The following SHF variants were observed in gnomAD, a reference collection of about 807,000 sequenced individuals.
The protein encoded by SHF is Src homology 2 domain containing F, also known as SH2 domain-containing adapter protein F.
SHF carries 30 observed loss-of-function variants against 42.4 expected under a neutral mutation model. That is an observed-to-expected ratio of 0.71 (90% CI 0.53 to 0.96). The LOEUF (loss-of-function observed/expected upper bound fraction) is 0.96, where lower values mean the gene tolerates loss of function less well. Ranked by LOEUF, SHF falls within the 40% of genes least tolerant of loss-of-function variation. SHF has a pLI of 0.00. For missense variants in SHF, 598 were observed against 634.0 expected (o/e 0.94, Z 0.61); for synonymous variants, 264 against 269.9 (o/e 0.98, Z 0.21).
chr15:45,194,779 C>T (rs758757297), intron 2 of SHF, among the ~76,000 whole-genome samples: 4 of 152,152 alleles, frequency 2.6e-5, no homozygotes, highest in Non-Finnish European at 4.4e-5. Flanking sequence ...TTGAAAGAAA[C>T]CTTACTCCTT....
In SHF at chr15:45,175,220, T is replaced by G. The variant is rs770497178; in HGVS notation, c.846A>C (p.Ala282=). The part of the protein sequence containing the change: ...WKKERISKAF[A]VDIKVIKDLP... ...CCTGCCCTCTCCACCAGGACTCACCTGCAAAGGCTTTGGAAATCCGCTCCT... is the reference window on the plus strand; with the variant it reads ...CCTGCCCTCTCCACCAGGACTCACCGGCAAAGGCTTTGGAAATCCGCTCCT... Residue 282 remains alanine, a splice_region_variant and synonymous_variant, in exon 3 of 7, where the codon GCA becomes GCC. Coordinates refer to ENST00000690270, the MANE Select transcript of SHF (RefSeq NM_001394037.1). The G allele has an allele frequency of 6.2e-7, 1 of 1,608,004 alleles. No individual in the cohort carries two copies. Among genetic ancestry groups the G allele is most frequent in the East Asian group, 2.2e-5 (1 of 44,786 alleles).
intron 1 of SHF, among the ~76,000 whole-genome samples, chr15:45,183,315 G>A (rs1049078128): frequency 2.5e-5 from 3 of 120,456 alleles, no homozygotes; most frequent in African/African-American, 1.0e-4. Flanking sequence ...TTGTTTTAAG[G>A]ATCAGTTGGT....
intron 1 of SHF, chr15:45,200,469 A>C: frequency 2.9e-6 from 1 of 340,242 alleles, no homozygotes; most frequent in African/African-American, 2.1e-5. Flanking sequence ...AGTACTAACC[A>C]CTATACGATC....
intron 2 of SHF, 71 bp from the exon 3 acceptor site, chr15:45,175,496 T>G: frequency 6.8e-7 from 1 of 1,480,426 alleles, no homozygotes; most frequent in South Asian, 1.2e-5. Flanking sequence ...CCTCCAATGC[T>G]TCTCAGCAAC....
At chr15:45,182,171 T>G (rs1898162325) in intron 1 of SHF, among the ~76,000 whole-genome samples, 1 of 152,224 alleles carries the variant, frequency 6.6e-6, no homozygotes, top group Non-Finnish European at 1.5e-5. Context: ...AACACATCCC[T>G]GACCCCCACC....
Position 45,168,145 on chromosome 15 carries a change from AGAG to A in SHF, c.1281-15_1281-13del, listed in dbSNP as rs1329987636. On this transcript the variant is annotated splice_polypyrimidine_tract_variant and intron_variant, in intron 6 of 6. Coordinates refer to ENST00000690270, the MANE Select transcript of SHF (RefSeq NM_001394037.1). ...ATCCCTGGCTGCTCCTGGGAAGAGGAGAGGAGACTTTGGTGAGTGGGGGCTCTC... is the reference window on the plus strand; with the variant it reads ...ATCCCTGGCTGCTCCTGGGAAGAGGAGAGACTTTGGTGAGTGGGGGCTCTC... The A allele has an allele frequency of 7.7e-6, 12 of 1,566,434 alleles. No individual in the cohort carries two copies. The highest frequency in any genetic ancestry group is 1.0e-5 in the Non-Finnish European group (12 of 1,150,704).
chr15:45,171,728 G>A, intron 6 of SHF, 155 bp downstream of exon 6: 2 of 731,654 alleles, frequency 2.7e-6, no homozygotes, highest in African/African-American at 1.8e-5. Flanking sequence ...CTCCTTGAGA[G>A]CAGGGGCTGA....
rs80276511 is a variant in SHF at position 45,178,271 on chromosome 15, A to G, written c.534T>C (p.Asp178=). 698 of 1,613,954 alleles carry G rather than the reference A, an allele frequency of 4.3e-4. 2 individuals are homozygous for G. The African/African-American group carries it at 8.0e-3, about 18-fold the overall frequency. ...AILEDYADPF[D]VQETGEGSAG... The stretch of plus-strand genomic sequence containing the variant: ...CTGAGCCTTCGCCAGTCTCCTGAAC[A>G]TCAAACGGGTCCGCATAGTCTTCTA... The change falls in exon 2 of 7, where the codon GAT becomes GAC. Residue 178 remains aspartate (D), a synonymous_variant. Coordinates refer to ENST00000690270, the MANE Select transcript of SHF (RefSeq NM_001394037.1).
At chr15:45,174,119 T>G (rs1245249490) in intron 3 of SHF, 2 of 204,412 alleles carry the variant, frequency 9.8e-6, no homozygotes, top group Non-Finnish European at 2.0e-5. Context: ...ACCCACAGCC[T>G]TGCCTCCCTT....
chr15:45,168,496 C>T (rs984063588), intron 6 of SHF, among the ~76,000 whole-genome samples: 3 of 152,184 alleles, frequency 2.0e-5, no homozygotes, highest in African/African-American at 7.2e-5. Context: ...GCCAGTTTAA[C>T]CTCACCTTTC....
At chr15:45,182,787 A>T (rs915749564) in intron 1 of SHF, among the ~76,000 whole-genome samples, 16 of 152,222 alleles carry the variant, frequency 1.1e-4, no homozygotes, top group African/African-American at 3.9e-4. Context: ...CAGTTTGGGA[A>T]ATGGTACATT....
intron 2 of SHF, among the ~76,000 whole-genome samples, chr15:45,195,189 C>A (rs867231765): frequency 6.6e-6 from 1 of 152,180 alleles, no homozygotes; most frequent in Admixed American, 6.5e-5. Context: ...CAGTTTAGTT[C>A]AACATTACCT....
chr15:45,191,359 T>G (rs1250090960), upstream of SHF, among the ~76,000 whole-genome samples: 1 of 152,234 alleles, frequency 6.6e-6, no homozygotes, highest in Admixed American at 6.5e-5. Flanking sequence ...ATTTATTGTA[T>G]TTTATTTTCT....
intron 1 of SHF, 44 bp from the exon 2 acceptor site, chr15:45,178,350 G>A: frequency 6.3e-7 from 1 of 1,590,224 alleles, no homozygotes; most frequent in Non-Finnish European, 8.6e-7. Context: ...GGAGCAGAGA[G>A]GCAACTCTGC....
chr15:45,187,369 G>A (rs568369952), intron 1 of SHF, 85 bp downstream of exon 1: 2 of 1,204,426 alleles, frequency 1.7e-6, no homozygotes, highest in South Asian at 4.3e-5. Flanking sequence ...GAGGGGCCCG[G>A]GCCAGGCCAC....
intron 6 of SHF, chr15:45,171,281 C>G (rs1222749435): frequency 6.5e-6 from 1 of 153,716 alleles, no homozygotes; most frequent in Non-Finnish European, 1.4e-5. Context: ...GGAGGGAGGG[C>G]CTTGCCTCCT....
At chr15:45,179,575 C>T (rs1898014063) in intron 1 of SHF, among the ~76,000 whole-genome samples, 1 of 152,256 alleles carries the variant, frequency 6.6e-6, no homozygotes, top group Admixed American at 6.5e-5. Context: ...TCAAGGTGCT[C>T]AGGGCGGGGC....
chr15:45,167,813 G>A lies in SHF; in HGVS notation c.*134C>T. 1.2e-6 allele frequency: 1 copy of A among 838,116 alleles called. No individual in the cohort carries two copies. Among genetic ancestry groups the A allele is most frequent in the Non-Finnish European group, 1.7e-6 (1 of 592,290 alleles). The allele number at this position is 838,116 out of a possible 1,614,324, so 51.9% of individuals were successfully genotyped here. A position where few individuals can be genotyped will look rare whatever the true frequency, so the allele number is the denominator to read the frequency against. On this transcript the variant is annotated 3_prime_UTR_variant, in exon 7 of 7. Transcript: ENST00000690270. ...CCCTTTCCCTTTAGAATAAATTAAG[G>A]AATCTCCAGCTTCTACTGGATCCCA...
intron 2 of SHF, among the ~76,000 whole-genome samples, chr15:45,176,134 T>C (rs1352820937): frequency 6.6e-6 from 1 of 152,104 alleles, no homozygotes; most frequent in Non-Finnish European, 1.5e-5. Flanking sequence ...AGTGATATCA[T>C]TTGACAATCA....
Sources: gnomAD v4.1 joint callset for allele counts (sites outside exome capture counted in the v4.1 genomes callset) on GRCh38, gnomAD v4.1.1 for gene constraint, MANE v1.5 for transcripts, NCBI Gene and HGNC (gene_info 2026-07-23, HGNC 2026-07-21) for gene names.